Variants in SV2A observed in about 807,000 individuals in gnomAD.
SV2A encodes synaptic vesicle glycoprotein 2A, also known as solute carrier family 22 member B1.
Under a neutral mutation model 78.0 loss-of-function variants are expected in SV2A, and 25 were observed. The ratio of observed to expected loss-of-function variants is 0.32; its 90% CI spans 0.23 to 0.45. The LOEUF is 0.45. SV2A is among the 20% of genes least tolerant of loss of function. SV2A has a pLI of 1.00. For synonymous variants in SV2A, 355 were observed against 384.7 expected (o/e 0.92, Z 0.90); for missense variants, 752 against 971.5 (o/e 0.77, Z 3.00).
intron 1 of SV2A, among the ~76,000 whole-genome samples, chr1:149,916,256 C>A (rs1408081405): frequency 6.6e-6 from 1 of 152,210 alleles, no homozygotes; most frequent in Non-Finnish European, 1.5e-5. Flanking sequence ...GCACGTAGGG[C>A]AGGGAAGCCT....
intron 2 of SV2A, 147 bp from the exon 3 acceptor site, chr1:149,912,127 A>G (rs115021769): frequency 0.014 from 11,091 of 791,834 alleles, 109 homozygotes; most frequent in Middle Eastern, 0.033. Context: ...GAGAAAATGA[A>G]TGGTGTAAGC....
Position 149,913,498 on chromosome 1 carries a change from C to T in SV2A, c.343G>A (p.Asp115Asn), listed in dbSNP as rs371863053. The stretch of plus-strand genomic sequence containing the variant: ...CTTACTCCAGCCAGGGGCGCCCCAT[C>T]TGCCATCCGCTCGCCTTTGCCCCCA... ...ESGGKGERMA[D>N]GAPLAGVRGG... Residue 115 changes from aspartate to asparagine, a missense_variant, in exon 2 of 13, where the codon GAT (aspartate) becomes AAT (asparagine). Asp to Asn is a conservative substitution (Grantham distance 23). This residue lies in a region of SV2A where 291 missense variants were observed against 359.5 expected (regional missense o/e 0.81). Coordinates refer to ENST00000369146, the MANE Select transcript of SV2A (RefSeq NM_014849.5). 5.6e-6 allele frequency: 9 copies of T among 1,613,676 alleles called. No homozygotes were observed. The highest frequency in any genetic ancestry group is 5.3e-5 in the African/African-American group (4 of 74,854).
Position 149,908,042 on chromosome 1 carries a change from T to C in SV2A, c.1544A>G (p.Lys515Arg), listed in dbSNP as rs1553763036. 2.5e-6 allele frequency: 4 copies of C among 1,613,608 alleles called. No individual in the cohort carries two copies. The highest frequency in any genetic ancestry group is 3.4e-6 in the Non-Finnish European group (4 of 1,179,592). ...IHRGGQYFND[K>R]FIGLRLKSVS... ...GTGAAGTTTAAAAGTCCCCACATACTTGTCATTGAAGTACTGCCCGCCTCG... is the reference window on the plus strand; with the variant it reads ...GTGAAGTTTAAAAGTCCCCACATACCTGTCATTGAAGTACTGCCCGCCTCG... The change falls in exon 9 of 13, where the codon AAG (lysine) becomes AGG (arginine). Residue 515 changes from lysine (K) to arginine (R), a missense_variant and splice_region_variant. Transcript: ENST00000369146.
chr1:149,908,061 C>A lies in SV2A; in HGVS notation c.1525G>T (p.Gly509Trp), dbSNP rs1553763044. The change falls in exon 9 of 13, where the codon GGG (glycine) becomes TGG (tryptophan). Residue 509 changes from glycine (G) to tryptophan (W), a missense_variant. Coordinates refer to ENST00000369146, the MANE Select transcript of SV2A (RefSeq NM_014849.5). ...FTLENQIHRGGQYFNDKFIGL... is the reference protein window; with the variant it reads ...FTLENQIHRGWQYFNDKFIGL... Reference sequence around the variant, plus strand: ...ACATACTTGTCATTGAAGTACTGCCCGCCTCGGTGGATCTGATTCTCCAAC... The same window carrying A: ...ACATACTTGTCATTGAAGTACTGCCAGCCTCGGTGGATCTGATTCTCCAAC... The A allele has an allele frequency of 1.2e-6, 2 of 1,614,054 alleles. No individual in the cohort carries two copies.
Position 149,913,990 on chromosome 1 carries a change from A to G in SV2A, c.-150T>C. 2 of 1,246,182 alleles carry G rather than the reference A, an allele frequency of 1.6e-6. No homozygotes were observed. Among genetic ancestry groups the G allele is most frequent in the Admixed American group, 2.7e-5 (1 of 36,950 alleles). 77.2% of individuals were successfully genotyped at this position (1,246,182 alleles called of 1,614,324 possible). On this transcript the variant is annotated 5_prime_UTR_variant, in exon 2 of 13. Coordinates refer to ENST00000369146, the MANE Select transcript of SV2A (RefSeq NM_014849.5). ...TATCTCTGGGCACAAAAAAAAGAGC[A>G]AACAGGTCCTAGCCAATGAGTGCCT...
At chr1:149,906,283 T>C (rs2092437712) in intron 11 of SV2A, among the ~76,000 whole-genome samples, 1 of 152,202 alleles carries the variant, frequency 6.6e-6, no homozygotes, top group Non-Finnish European at 1.5e-5. Flanking sequence ...ATTGATGCTT[T>C]ACATGCATTG....
chr1:149,915,108 A>G (rs782802765), intron 1 of SV2A, among the ~76,000 whole-genome samples: 5 of 152,194 alleles, frequency 3.3e-5, no homozygotes, highest in Non-Finnish European at 7.3e-5. Flanking sequence ...CAGTCAGGGT[A>G]GTTAACCTCC....
intron 3 of SV2A, 27 bp downstream of exon 3, chr1:149,911,773 C>T (rs2092476893): frequency 2.5e-6 from 4 of 1,608,888 alleles, no homozygotes; most frequent in Admixed American, 3.3e-5. Flanking sequence ...GTCCTGCCCT[C>T]AAGGGACTTA....
In SV2A at chr1:149,904,932, C is replaced by T. The variant is rs2092426033; in HGVS notation, c.*82G>A. The stretch of plus-strand genomic sequence containing the variant: ...AGTGGGGAGTGAGGGCTCTGGAGGT[C>T]AGGATGGCAGGGCAGGGAGGGGAAG... On this transcript the variant is annotated 3_prime_UTR_variant, in exon 13 of 13. Coordinates refer to ENST00000369146, the MANE Select transcript of SV2A (RefSeq NM_014849.5). 1 of 1,450,514 alleles carries T rather than the reference C, an allele frequency of 6.9e-7. No individual in the cohort carries two copies. The highest frequency in any genetic ancestry group is 2.5e-5 in the East Asian group (1 of 40,648). 89.9% of individuals were successfully genotyped at this position (1,450,514 alleles called of 1,614,324 possible). A position where few individuals can be genotyped will look rare whatever the true frequency, so the allele number is the denominator to read the frequency against.
At chr1:149,908,505 C>T (rs1172101289) in intron 8 of SV2A, among the ~76,000 whole-genome samples, 4 of 152,124 alleles carry the variant, frequency 2.6e-5, no homozygotes, top group African/African-American at 9.7e-5. Flanking sequence ...ACCCCAGCCA[C>T]CCCCACTCCA....
In SV2A at chr1:149,914,022, G is replaced by T; in HGVS notation, c.-182C>A. 1.1e-6 allele frequency: 1 copy of T among 883,028 alleles called. No individual in the cohort carries two copies. The allele number at this position is 883,028 out of a possible 1,614,324, so 54.7% of individuals were successfully genotyped here. A position where few individuals can be genotyped will look rare whatever the true frequency, so the allele number is the denominator to read the frequency against. ...TCCTAGCCAATGAGTGCCTAGGAAGGAAAAGGAAGGAGAGGAGCTTTGACC... is the reference window on the plus strand; with the variant it reads ...TCCTAGCCAATGAGTGCCTAGGAAGTAAAAGGAAGGAGAGGAGCTTTGACC... On this transcript the variant is annotated 5_prime_UTR_variant, in exon 2 of 13. Coordinates refer to ENST00000369146, the MANE Select transcript of SV2A (RefSeq NM_014849.5).
chr1:149,908,611 A>C (rs2092454339), intron 8 of SV2A, among the ~76,000 whole-genome samples: 1 of 141,098 alleles, frequency 7.1e-6, no homozygotes, highest in African/African-American at 2.7e-5. Flanking sequence ...TTCTCTCATC[A>C]CCCTGCTTCA....
At chr1:149,912,815 C>G (rs893207166) in intron 2 of SV2A, among the ~76,000 whole-genome samples, 30 of 142,592 alleles carry the variant, frequency 2.1e-4, no homozygotes, top group Non-Finnish European at 4.3e-4. Flanking sequence ...CAAACTGACT[C>G]TCCCCATTTA....
chr1:149,911,843 C>G lies in SV2A; in HGVS notation c.760G>C (p.Gly254Arg), dbSNP rs2092477530. ...VFAFFSSFVQ[G>R]YGTFLFCRLL... is the part of the protein sequence containing the mutation. Reference sequence around the variant, plus strand: ...CGGCAGAAGAGGAAAGTGCCGTAACCCTGGACAAAAGATGAGAAGAAGGCG... The same window carrying G: ...CGGCAGAAGAGGAAAGTGCCGTAACGCTGGACAAAAGATGAGAAGAAGGCG... The change falls in exon 3 of 13, where the codon GGT becomes CGT. Residue 254 changes from glycine to arginine, a missense_variant. By Grantham distance (125) the Gly-to-Arg change is moderately radical (BLOSUM62 -2). Around this residue, in one of 7 missense-constraint regions of SV2A, gnomAD observed 291 missense variants for 359.5 expected, o/e 0.81. Coordinates refer to ENST00000369146, the MANE Select transcript of SV2A (RefSeq NM_014849.5). 6.2e-7 allele frequency: 1 copy of G among 1,614,092 alleles called. No homozygotes were observed. The highest frequency in any genetic ancestry group is 8.5e-7 in the Non-Finnish European group (1 of 1,180,026).
chr1:149,907,023 G>C, intron 10 of SV2A, 167 bp from the exon 11 acceptor site: 2 of 1,447,280 alleles, frequency 1.4e-6, no homozygotes, highest in Non-Finnish European at 1.8e-6. Flanking sequence ...ATGGGAACTA[G>C]GGATCTTTAG....
intron 3 of SV2A, among the ~76,000 whole-genome samples, chr1:149,911,557 T>C (rs1323008381): frequency 6.6e-6 from 1 of 151,990 alleles, no homozygotes; most frequent in East Asian, 1.9e-4. Flanking sequence ...AAAATGGAAC[T>C]AGAGGTGGGG....
In SV2A at chr1:149,909,832, C is replaced by T. The variant is rs782514088; in HGVS notation, c.1148G>A (p.Arg383Gln). The T allele has an allele frequency of 1.7e-5, 28 of 1,613,870 alleles. No homozygotes were observed. The highest frequency in any genetic ancestry group is 3.3e-4 in the Middle Eastern group (2 of 6,062). Residue 383 changes from arginine (R) to glutamine (Q), a missense_variant, in exon 6 of 13, where the codon CGA becomes CAA. Arg to Gln is a conservative substitution (Grantham distance 43, BLOSUM62 1). Transcript: ENST00000369146. ...CACTCGCTCAGGATGTCCTTTGGCT[C>T]GCATGTTGGTATCATGGACCTGCTT... ...VLKQVHDTNM[R>Q]AKGHPERVFS...
chr1:149,908,304 C>A, intron 8 of SV2A, 98 bp from the exon 9 acceptor site: 1 of 1,412,154 alleles, frequency 7.1e-7, no homozygotes, highest in South Asian at 1.3e-5. Context: ...TGTATCATCT[C>A]AGAACAAGGG....
intron 6 of SV2A, 49 bp from the exon 7 acceptor site, chr1:149,909,620 CA>C: frequency 6.4e-7 from 1 of 1,569,826 alleles, no homozygotes; most frequent in Non-Finnish European, 8.8e-7. Flanking sequence ...TGTTTCCCAA[CA>C]TCGGCCAGGC....
Sources: allele counts gnomAD v4.1 joint callset (sites outside exome capture counted in the v4.1 genomes callset), GRCh38; gene constraint gnomAD v4.1.1; regional missense constraint gnomAD v4.1.1; transcripts MANE v1.5; gene names NCBI Gene and HGNC (gene_info 2026-07-23, HGNC 2026-07-21).